The following KCNQ5 variants were observed in gnomAD, a reference collection of about 807,000 sequenced individuals.
The protein encoded by KCNQ5 is potassium voltage-gated channel subfamily KQT member 5.
KCNQ5 carries 30 observed loss-of-function variants against 98.2 expected under a neutral mutation model. The observed-to-expected ratio is 0.31, with a 90% CI of 0.23 to 0.41. The LOEUF (loss-of-function observed/expected upper bound fraction) is 0.41, where lower values mean the gene tolerates loss of function less well. Ranked by LOEUF, KCNQ5 falls within the 10% of genes least tolerant of loss-of-function variation. The pLI, the probability that KCNQ5 is intolerant of heterozygous loss-of-function variation, is 1.00. For synonymous variants in KCNQ5, 458 were observed against 449.4 expected, an observed-to-expected ratio of 1.02 and a Z score of -0.24; for missense variants, 835 against 1,182.5, an observed-to-expected ratio of 0.71 and a Z score of 4.31.
At chr6:73,028,640 T>TTC (rs1332345199) in intron 2 of KCNQ5, among the ~76,000 whole-genome samples, 1 of 152,208 alleles carries the variant, frequency 6.6e-6, no homozygotes, top group Non-Finnish European at 1.5e-5. Flanking sequence ...GAAGTGCACT[T>TTC]TCTCTCTCCA....
intron 1 of KCNQ5, among the ~76,000 whole-genome samples, chr6:72,704,381 T>C (rs2154474768): frequency 6.6e-6 from 1 of 152,284 alleles, no homozygotes; most frequent in East Asian, 1.9e-4. Flanking sequence ...ATGCTCTCTT[T>C]GTCTTTATTA....
chr6:72,806,382 A>T (rs1411528067), intron 1 of KCNQ5, among the ~76,000 whole-genome samples: 1 of 152,098 alleles, frequency 6.6e-6, no homozygotes, highest in African/African-American at 2.4e-5. Flanking sequence ...CAAAAATGGG[A>T]TTGGCTTGAG....
intron 1 of KCNQ5, among the ~76,000 whole-genome samples, chr6:72,735,641 A>C (rs1770788532): frequency 6.6e-6 from 1 of 152,012 alleles, no homozygotes; most frequent in South Asian, 2.1e-4. Flanking sequence ...AGTGAGTTTC[A>C]AGCACAACAC....
At chr6:72,770,782 C>T (rs1242921214) in intron 1 of KCNQ5, among the ~76,000 whole-genome samples, 1 of 152,076 alleles carries the variant, frequency 6.6e-6, no homozygotes, top group East Asian at 1.9e-4. Flanking sequence ...AAAGCTAAAA[C>T]TACTTAAGGA....
chr6:73,107,184 C>A (rs548422413), intron 6 of KCNQ5, among the ~76,000 whole-genome samples: 27 of 152,272 alleles, frequency 1.8e-4, no homozygotes, highest in African/African-American at 6.5e-4. Context: ...GTAGAGCAAC[C>A]TCTATGATTC....
intron 1 of KCNQ5, among the ~76,000 whole-genome samples, chr6:72,999,542 GC>G (rs1769464309): frequency 6.6e-6 from 1 of 152,090 alleles, no homozygotes; most frequent in Non-Finnish European, 1.5e-5. Context: ...TCATCATAAA[GC>G]TGACAGGTGC....
intron 1 of KCNQ5, among the ~76,000 whole-genome samples, chr6:72,761,084 G>A (rs1772247579): frequency 6.6e-6 from 1 of 152,110 alleles, no homozygotes; most frequent in Non-Finnish European, 1.5e-5. Flanking sequence ...ATTAAAGGAT[G>A]TATGATCAGC....
intron 8 of KCNQ5, among the ~76,000 whole-genome samples, chr6:73,123,586 G>T (rs1048100440): frequency 1.3e-5 from 2 of 152,124 alleles, no homozygotes; most frequent in Non-Finnish European, 2.9e-5. Flanking sequence ...AGAGGTCTTA[G>T]CAATTCTATT....
At chr6:73,039,016 T>C (rs1310755803) in intron 2 of KCNQ5, among the ~76,000 whole-genome samples, 1 of 152,148 alleles carries the variant, frequency 6.6e-6, no homozygotes, top group East Asian at 1.9e-4. Context: ...GTTCAATTGC[T>C]TTAGCGGTTA....
chr6:73,110,744 A>G (rs1488583520), intron 6 of KCNQ5, among the ~76,000 whole-genome samples: 1 of 152,198 alleles, frequency 6.6e-6, no homozygotes, highest in African/African-American at 2.4e-5. Flanking sequence ...CATTATAAAG[A>G]ACTACAGCTG....
chr6:72,911,798 G>A (rs1288360804), intron 1 of KCNQ5, among the ~76,000 whole-genome samples: 1 of 152,124 alleles, frequency 6.6e-6, no homozygotes, highest in African/African-American at 2.4e-5. Context: ...CAAATCCGGA[G>A]TAAAGACAAA....
At chr6:72,831,259 G>T (rs1200876837) in intron 1 of KCNQ5, among the ~76,000 whole-genome samples, 1 of 152,124 alleles carries the variant, frequency 6.6e-6, no homozygotes, top group African/African-American at 2.4e-5. Flanking sequence ...AAATCATGCT[G>T]CTATAAAGAC....
At chr6:72,802,783 G>A (rs1284019826) in intron 1 of KCNQ5, among the ~76,000 whole-genome samples, 1 of 152,056 alleles carries the variant, frequency 6.6e-6, no homozygotes, top group African/African-American at 2.4e-5. Context: ...AGAGCCCCCG[G>A]CCCTGACCCC....
intron 1 of KCNQ5, among the ~76,000 whole-genome samples, chr6:72,738,927 G>A (rs751579052): frequency 6.6e-5 from 10 of 152,108 alleles, no homozygotes; most frequent in Non-Finnish European, 1.5e-4. Context: ...AGAACCCGGA[G>A]GATTTTTAGG....
chr6:73,005,168 G>T (rs962723158), intron 2 of KCNQ5, among the ~76,000 whole-genome samples: 4 of 152,122 alleles, frequency 2.6e-5, no homozygotes, highest in African/African-American at 9.7e-5. Context: ...TCATGTTAAG[G>T]TTACCGTTTC....
In KCNQ5 at chr6:72,843,833, T is replaced by C. The variant is rs967011547; in HGVS notation, c.399-160075T>C. Among the ~76,000 whole-genome samples the C allele has an allele frequency of 4.6e-5, 7 of 152,228 alleles. No individual in the cohort carries two copies. The South Asian group carries it at 8.3e-4, about 18-fold the overall frequency. On this transcript the variant is annotated intron_variant, in intron 1 of 13. Coordinates refer to ENST00000370398, the MANE Select transcript of KCNQ5 (RefSeq NM_019842.4). The stretch of plus-strand genomic sequence containing the variant: ...CTGGATAAAGAAAATGTGGCACTTA[T>C]ACACCATGGAATACTATGCAGCATA...
At chr6:72,745,525 G>T (rs904632847) in intron 1 of KCNQ5, among the ~76,000 whole-genome samples, 44 of 152,218 alleles carry the variant, frequency 2.9e-4, no homozygotes, top group African/African-American at 9.9e-4. Context: ...ACATTTATGG[G>T]AATAATAATG....
intron 1 of KCNQ5, among the ~76,000 whole-genome samples, chr6:72,914,106 T>G (rs916080631): frequency 1.3e-5 from 2 of 152,188 alleles, no homozygotes; most frequent in African/African-American, 2.4e-5. Flanking sequence ...TAGGCTGTTT[T>G]GTCAAATACC....
intron 9 of KCNQ5, among the ~76,000 whole-genome samples, chr6:73,125,010 A>C (rs1268638916): frequency 7.1e-6 from 1 of 140,030 alleles, no homozygotes; most frequent in African/African-American, 2.6e-5. Context: ...TATCATATAC[A>C]TATACACATA....
Sources: allele counts gnomAD v4.1 joint callset (sites outside exome capture counted in the v4.1 genomes callset), GRCh38; gene constraint gnomAD v4.1.1; transcripts MANE v1.5; gene names NCBI Gene and HGNC (gene_info 2026-07-23, HGNC 2026-07-21).